Variants in MBP observed in about 807,000 individuals in gnomAD.
The protein encoded by MBP is Golli-MBP.
A neutral mutation model predicts 35.8 loss-of-function variants in MBP; 16 were observed. The ratio of observed to expected loss-of-function variants is 0.45; its 90% CI spans 0.30 to 0.68. MBP has a LOEUF of 0.68. Ranked by LOEUF, MBP falls within the 30% of genes least tolerant of loss-of-function variation. The pLI is 0.08. For synonymous variants in MBP, 143 were observed against 159.6 expected, an observed-to-expected ratio of 0.90 and a Z score of 0.78; for missense variants, 380 against 404.7, an observed-to-expected ratio of 0.94 and a Z score of 0.52.
At chr18:77,078,001 G>A (rs920635026) in intron 2 of MBP, among the ~76,000 whole-genome samples, 6 of 152,162 alleles carry the variant, frequency 3.9e-5, no homozygotes, top group African/African-American at 1.4e-4. Flanking sequence ...CCCTGCCCCG[G>A]CCTCTCCAGG....
chr18:77,130,852 C>G (rs1213850599), intron 1 of MBP, among the ~76,000 whole-genome samples: 2 of 151,800 alleles, frequency 1.3e-5, no homozygotes, highest in Non-Finnish European at 2.9e-5. Context: ...TATCTTTGGG[C>G]AGAACTGTGA....
At chr18:77,057,361 C>A (rs1973766121) in intron 3 of MBP, among the ~76,000 whole-genome samples, 1 of 152,152 alleles carries the variant, frequency 6.6e-6, no homozygotes, top group Non-Finnish European at 1.5e-5. Flanking sequence ...CTTCATCCCC[C>A]AACTTGTGAT....
intron 3 of MBP, among the ~76,000 whole-genome samples, chr18:77,051,156 C>G (rs1393505431): frequency 3.3e-5 from 5 of 152,078 alleles, no homozygotes; most frequent in African/African-American, 1.2e-4. Flanking sequence ...GGCAGGACAG[C>G]CTTCCGGTGT....
At chr18:77,091,839 CCA>C (rs984883287) in intron 2 of MBP, among the ~76,000 whole-genome samples, 8 of 152,042 alleles carry the variant, frequency 5.3e-5, no homozygotes, top group Non-Finnish European at 7.4e-5. Flanking sequence ...TGTATACACA[CCA>C]CACACCCATA....
chr18:77,093,202 C>T (rs547579773), intron 2 of MBP: 8 of 152,406 alleles, frequency 5.2e-5, no homozygotes, highest in African/African-American at 1.7e-4. Context: ...TGGGCCGGCT[C>T]TCCGGGAGCA....
At chr18:77,016,168 A>G in intron 4 of MBP, 1 of 761,082 alleles carries the variant, frequency 1.3e-6, no homozygotes, top group Non-Finnish European at 1.6e-6. Context: ...TTTTTTTTGT[A>G]ATACATTTTT....
chr18:77,096,833 A>T (rs979553482), intron 2 of MBP, among the ~76,000 whole-genome samples: 1 of 152,206 alleles, frequency 6.6e-6, no homozygotes, highest in African/African-American at 2.4e-5. Context: ...TTATTTTTCA[A>T]GGTTCCTGGT....
intron 4 of MBP, among the ~76,000 whole-genome samples, chr18:77,002,200 A>G (rs1970677301): frequency 6.6e-6 from 1 of 152,146 alleles, no homozygotes; most frequent in Non-Finnish European, 1.5e-5. Context: ...TCATGGAGGC[A>G]ACCACGGCAG....
intron 2 of MBP, among the ~76,000 whole-genome samples, chr18:77,074,701 T>C (rs1260134102): frequency 1.3e-5 from 2 of 152,094 alleles, no homozygotes; most frequent in Non-Finnish European, 2.9e-5. Context: ...GTCCACGATT[T>C]CATGGGAAAT....
Position 77,044,126 on chromosome 18 carries a change from C to A in MBP, c.139+22172G>T, listed in dbSNP as rs1226037109. On this transcript the variant is annotated intron_variant, in intron 3 of 8. Coordinates refer to ENST00000355994, the MANE Select transcript of MBP (RefSeq NM_001025101.2). The surrounding 1 kb of genome is among the most constrained non-coding windows in gnomAD (Gnocchi z 4.4). ...CCCCCGATGCCCTCCACGCTGCACA[C>A]TGGGCTGGTCTGCAGAGGTCGAATG... is the stretch of plus-strand genomic sequence containing the variant. 6.6e-6 allele frequency among the ~76,000 whole-genome samples: 1 copy of A among 152,174 alleles called. No homozygotes were observed. Among genetic ancestry groups the A allele is most frequent in the Non-Finnish European group, 1.5e-5 (1 of 68,034 alleles).
rs368440118 is a variant in MBP, at chr18:76,984,691, G to T, written c.870+84C>A. Reference sequence around the variant, plus strand: ...GTACAGTGCGGCTGAGCCAGAGGCGGCAGCCACCCTTGTACTCAGCTTAGT... The same window carrying T: ...GTACAGTGCGGCTGAGCCAGAGGCGTCAGCCACCCTTGTACTCAGCTTAGT... On this transcript the variant is annotated intron_variant, in intron 8 of 8. Transcript: ENST00000355994. The T allele has an allele frequency of 3.9e-5, 62 of 1,585,738 alleles. 1 individual carries two copies. In the Middle Eastern group the frequency reaches 1.0e-3, roughly 27 times the overall value.
At chr18:76,987,629 A>C in intron 7 of MBP, 2 of 985,684 alleles carry the variant, frequency 2.0e-6, no homozygotes, top group Non-Finnish European at 2.4e-6. Flanking sequence ...TTGAGCAGAA[A>C]GTGTAGGTAG....
chr18:77,033,208 T>C (rs2123629457), intron 3 of MBP, among the ~76,000 whole-genome samples: 1 of 152,206 alleles, frequency 6.6e-6, no homozygotes, highest in South Asian at 2.1e-4. Context: ...GCTGAAGTCA[T>C]CTGCTTGCCT....
chr18:77,015,863 G>A (rs745349296), intron 4 of MBP: 17 of 985,218 alleles, frequency 1.7e-5, no homozygotes, highest in Admixed American at 1.2e-4. Context: ...AGCCTTTTAC[G>A]CTCCCACAAG....
chr18:77,119,723 G>T (rs549390631), intron 1 of MBP, among the ~76,000 whole-genome samples: 65 of 152,316 alleles, frequency 4.3e-4, no homozygotes, highest in African/African-American at 1.5e-3. Flanking sequence ...CCGAAGCCTT[G>T]ATTCTGGAGG....
chr18:77,085,857 T>A (rs1975210613), intron 2 of MBP, among the ~76,000 whole-genome samples: 3 of 151,272 alleles, frequency 2.0e-5, no homozygotes, highest in Non-Finnish European at 4.5e-5. Context: ...CTAATTTTTG[T>A]ATTTTTAGTA....
At chr18:77,017,823 G>A (rs1294256151) in intron 3 of MBP, 1 of 152,200 alleles carries the variant, frequency 6.6e-6, no homozygotes, top group Non-Finnish European at 1.5e-5. Flanking sequence ...ATAGAGAACT[G>A]CTTATTCAGG....
At chr18:77,009,191 T>C (rs567799134) in intron 4 of MBP, among the ~76,000 whole-genome samples, 1 of 152,326 alleles carries the variant, frequency 6.6e-6, no homozygotes, top group South Asian at 2.1e-4. Flanking sequence ...GCTCTGGGCT[T>C]GTCCCCTTCC....
intron 8 of MBP, chr18:76,982,407 C>G (rs751632219): frequency 6.6e-6 from 1 of 152,290 alleles, no homozygotes; most frequent in African/African-American, 2.4e-5. Flanking sequence ...AAGGCAGATA[C>G]TCTTGCCTCC....
Sources: allele counts gnomAD v4.1 joint callset (sites outside exome capture counted in the v4.1 genomes callset), GRCh38; gene constraint gnomAD v4.1.1; non-coding constraint Gnocchi (gnomAD v3.1); transcripts MANE v1.5; gene names NCBI Gene and HGNC (gene_info 2026-07-23, HGNC 2026-07-21).